Variants in NINL observed in about 807,000 individuals in gnomAD.
NINL encodes ninein-like protein.
NINL carries 153 observed loss-of-function variants against 160.3 expected under a neutral mutation model. The observed-to-expected ratio is 0.95, with a 90% confidence interval of 0.84 to 1.09. The LOEUF (loss-of-function observed/expected upper bound fraction) is 1.09, where lower values mean the gene tolerates loss of function less well. NINL is among the 50% of genes least tolerant of loss of function. The pLI, the probability that NINL is intolerant of heterozygous loss-of-function variation, is 0.00. For synonymous variants in NINL, 800 were observed against 734.8 expected, an observed-to-expected ratio of 1.09 and a Z score of -1.43; for missense variants, 1,829 against 1,764.0, an observed-to-expected ratio of 1.04 and a Z score of -0.66.
chr20:25,550,706 T>G (rs2064797368), intron 1 of NINL, among the ~76,000 whole-genome samples: 1 of 152,182 alleles, frequency 6.6e-6, no homozygotes, highest in Non-Finnish European at 1.5e-5. Flanking sequence ...AACATCTCAG[T>G]GCAGTAAAGA....
At position 25,464,144 on chromosome 20, in the gene NINL, T is replaced by G. The variant is rs570769826; in HGVS notation, c.3424-1603A>C. Among the ~76,000 whole-genome samples the G allele has an allele frequency of 4.6e-5, 7 of 152,244 alleles. No individual in the cohort carries two copies. In the East Asian group the frequency reaches 1.4e-3, roughly 29 times the overall value. ...AAACTCTTCATTTGGTGGCTGGGCG[T>G]GGTGGCTCATGCCTGTAATACCAGT... On this transcript the variant is annotated intron_variant, in intron 19 of 23. Transcript: ENST00000278886.
At chr20:25,535,356 TTAA>T (rs1478926834) in intron 1 of NINL, among the ~76,000 whole-genome samples, 1 of 152,172 alleles carries the variant, frequency 6.6e-6, no homozygotes, top group African/African-American at 2.4e-5. Flanking sequence ...GTGACTACAG[TTAA>T]TAATAACATA....
intron 4 of NINL, among the ~76,000 whole-genome samples, chr20:25,512,495 C>G (rs1402151766): frequency 6.6e-6 from 1 of 152,196 alleles, no homozygotes; most frequent in African/African-American, 2.4e-5. Flanking sequence ...ATTCCTCCTT[C>G]TCCAGTCATG....
rs1436599849 is a variant in NINL at position 25,476,782 on chromosome 20, C to G, written c.2509G>C (p.Gly837Arg). 1 of 1,612,182 alleles carries G rather than the reference C, an allele frequency of 6.2e-7. No individual in the cohort carries two copies. The highest frequency in any genetic ancestry group is 1.1e-5 in the South Asian group (1 of 91,074). ...QALPKDGLVA[G>R]SGQEGTRGLL... ...CCACGTGTGCCCTCCTGGCCACTTC[C>G]TGCCACCAGCCCATCTTTCGGCAGG... The change falls in exon 17 of 24, where the codon GGA becomes CGA. Residue 837 changes from glycine (G) to arginine (R), a missense_variant. Coordinates refer to ENST00000278886, the MANE Select transcript of NINL (RefSeq NM_025176.6).
rs747152645 is a variant in NINL, at chr20:25,489,306, C to G, written c.1615G>C (p.Glu539Gln). Residue 539 changes from glutamate to glutamine, a missense_variant, in exon 13 of 24, where the codon GAG (glutamate) becomes CAG (glutamine). By Grantham distance (29) the Glu-to-Gln change is conservative. Coordinates refer to ENST00000278886, the MANE Select transcript of NINL (RefSeq NM_025176.6). Reference sequence around the variant, plus strand: ...AACCGCTCCTCCTGGGCCAGGAGCTCTGCACTCTGTGGCTCCAGCTGAAAG... The same window carrying G: ...AACCGCTCCTCCTGGGCCAGGAGCTGTGCACTCTGTGGCTCCAGCTGAAAG... Reference protein sequence around the residue: ...LKDKLEPQSAELLAQEERFAA... With the variant: ...LKDKLEPQSAQLLAQEERFAA... 1.3e-4 allele frequency: 214 copies of G among 1,613,878 alleles called. No homozygotes were observed. The highest frequency in any genetic ancestry group is 1.7e-4 in the Non-Finnish European group (206 of 1,180,010).
chr20:25,499,874 G>A (rs1031880104), intron 8 of NINL, among the ~76,000 whole-genome samples: 1 of 140,488 alleles, frequency 7.1e-6, no homozygotes, highest in African/African-American at 2.8e-5. Context: ...CATTATAAAT[G>A]CCCAGATTTA....
chr20:25,510,859 A>G (rs2064057367), intron 4 of NINL, 119 bp from the exon 5 acceptor site: 3 of 774,962 alleles, frequency 3.9e-6, no homozygotes, highest in Non-Finnish European at 6.4e-6. Flanking sequence ...TATGGAGTCA[A>G]TCCCTCAGAG....
intron 1 of NINL, among the ~76,000 whole-genome samples, chr20:25,554,611 C>A (rs144087780): frequency 8.0e-6 from 1 of 125,530 alleles, no homozygotes; most frequent in South Asian, 2.6e-4. Flanking sequence ...ATAGTAAGAA[C>A]CCTGTTCTTT....
chr20:25,469,905 C>A, intron 18 of NINL, 86 bp downstream of exon 18: 1 of 860,662 alleles, frequency 1.2e-6, no homozygotes, highest in Non-Finnish European at 1.9e-6. Flanking sequence ...GAACACTTCC[C>A]ACTGTCTATA....
intron 1 of NINL, among the ~76,000 whole-genome samples, chr20:25,545,830 TC>T (rs2064724626): frequency 6.6e-6 from 1 of 152,216 alleles, no homozygotes; most frequent in African/African-American, 2.4e-5. Context: ...AGAATCTCCT[TC>T]CTTTTCCAGG....
chr20:25,487,313 G>A (rs1181183121), intron 13 of NINL, among the ~76,000 whole-genome samples: 1 of 152,124 alleles, frequency 6.6e-6, no homozygotes. Flanking sequence ...GCTGGGTGGG[G>A]GGATTATACA....
At chr20:25,550,078 C>T (rs1260329807) in intron 1 of NINL, among the ~76,000 whole-genome samples, 1 of 152,158 alleles carries the variant, frequency 6.6e-6, no homozygotes, top group African/African-American at 2.4e-5. Context: ...GCTCACATTA[C>T]GTTTACTTAA....
chr20:25,480,250 T>C lies in NINL; in HGVS notation c.1828A>G (p.Asn610Asp), dbSNP rs1006382565. The change falls in exon 15 of 24, where the codon AAT becomes GAT. Residue 610 changes from asparagine (N) to aspartate (D), a missense_variant. By Grantham distance (23) the Asn-to-Asp change is conservative (BLOSUM62 1). Transcript: ENST00000278886. ...LGPAGISFLGNSAPVSIETEL... is the reference protein window; with the variant it reads ...LGPAGISFLGDSAPVSIETEL... Reference sequence around the variant, plus strand: ...GTTTCTATACTCACTGGAGCAGAATTACCCAGGAATGAAATGCCTGCAAAC... The same window carrying C: ...GTTTCTATACTCACTGGAGCAGAATCACCCAGGAATGAAATGCCTGCAAAC... The C allele has an allele frequency of 6.2e-7, 1 of 1,613,964 alleles. No homozygotes were observed. Among genetic ancestry groups the C allele is most frequent in the Non-Finnish European group, 8.5e-7 (1 of 1,179,940 alleles).
intron 14 of NINL, among the ~76,000 whole-genome samples, chr20:25,481,132 C>T (rs1326143317): frequency 1.3e-5 from 2 of 152,100 alleles, no homozygotes; most frequent in African/African-American, 4.8e-5. Context: ...ATTGAGTAAA[C>T]AGTTTCAGGG....
chr20:25,558,105 C>T (rs1223402932), intron 1 of NINL, among the ~76,000 whole-genome samples: 2 of 152,166 alleles, frequency 1.3e-5, no homozygotes, highest in Non-Finnish European at 2.9e-5. Flanking sequence ...CATGCCATTA[C>T]ACTATAGCCT....
At chr20:25,530,422 T>G (rs1339735581) in intron 1 of NINL, among the ~76,000 whole-genome samples, 1 of 152,110 alleles carries the variant, frequency 6.6e-6, no homozygotes, top group African/African-American at 2.4e-5. Context: ...CTAAGTATTC[T>G]CAGAGAGAGA....
intron 17 of NINL, 51 bp from the exon 18 acceptor site, chr20:25,470,146 G>T: frequency 6.9e-7 from 1 of 1,446,822 alleles, no homozygotes; most frequent in Non-Finnish European, 9.7e-7. Context: ...GCCACATGTG[G>T]TCACGGAGGC....
At chr20:25,478,760 C>T in intron 16 of NINL, 163 bp downstream of exon 16, 2 of 667,796 alleles carry the variant, frequency 3.0e-6, no homozygotes, top group East Asian at 2.7e-5. Flanking sequence ...GAGCCAGAAT[C>T]CTCATGCCAG....
chr20:25,457,741 TGA>T lies in NINL; in HGVS notation c.3843+640_3843+641del, dbSNP rs2090725308. ...TGAACTATGTTGGGAATTTCAGGAG[TGA>T]GTTATTCTCTCAGACTTTTGAATTA... On this transcript the variant is annotated intron_variant, in intron 22 of 23. Coordinates refer to ENST00000278886, the MANE Select transcript of NINL (RefSeq NM_025176.6). Among the ~76,000 whole-genome samples, 3 of 152,156 alleles carry T rather than the reference TGA, an allele frequency of 2.0e-5. No individual in the cohort carries two copies. The South Asian group carries it at 6.2e-4, about 32-fold the overall frequency.
Sources: allele counts gnomAD v4.1 joint callset (sites outside exome capture counted in the v4.1 genomes callset), GRCh38; gene constraint gnomAD v4.1.1; transcripts MANE v1.5; gene names NCBI Gene and HGNC (gene_info 2026-07-23, HGNC 2026-07-21).